The following GRID2 variants were observed in gnomAD, a reference collection of about 807,000 sequenced individuals.
GRID2 encodes glutamate ionotropic receptor delta type subunit 2.
Under a neutral mutation model 114.8 loss-of-function variants are expected in GRID2, and 33 were observed. The ratio of observed to expected loss-of-function variants is 0.29; its 90% CI spans 0.22 to 0.38. The LOEUF (loss-of-function observed/expected upper bound fraction) is 0.38, where lower values mean the gene tolerates loss of function less well. GRID2 is among the 10% of genes least tolerant of loss of function. The pLI, the probability that GRID2 is intolerant of heterozygous loss-of-function variation, is 1.00. For missense variants in GRID2, 1,184 were observed against 1,257.7 expected, an observed-to-expected ratio of 0.94 and a Z score of 0.89; for synonymous variants, 505 against 449.9, an observed-to-expected ratio of 1.12 and a Z score of -1.55.
intron 13 of GRID2, among the ~76,000 whole-genome samples, chr4:93,606,941 A>T (rs1051858096): frequency 6.6e-5 from 10 of 152,190 alleles, no homozygotes; most frequent in Non-Finnish European, 1.2e-4. Flanking sequence ...TGTATACCTA[A>T]AAATTATGAA....
intron 1 of GRID2, among the ~76,000 whole-genome samples, chr4:92,433,997 A>G (rs527670030): frequency 6.0e-4 from 92 of 152,350 alleles, no homozygotes; most frequent in African/African-American, 2.1e-3. Context: ...TCATGGATTT[A>G]ACTTTCAGTT....
intron 14 of GRID2, among the ~76,000 whole-genome samples, chr4:93,630,564 C>T (rs1007325682): frequency 6.6e-6 from 1 of 152,142 alleles, no homozygotes; most frequent in African/African-American, 2.4e-5. Flanking sequence ...TCACATTTTG[C>T]TTATTGGCTT....
intron 1 of GRID2, among the ~76,000 whole-genome samples, chr4:92,428,913 C>T (rs1175048714): frequency 6.6e-6 from 1 of 151,934 alleles, no homozygotes; most frequent in Non-Finnish European, 1.5e-5. Flanking sequence ...ATGTGCAGAA[C>T]GTGCAGGTTT....
intron 11 of GRID2, among the ~76,000 whole-genome samples, chr4:93,480,782 C>T (rs1254835259): frequency 6.6e-6 from 1 of 152,038 alleles, no homozygotes; most frequent in African/African-American, 2.4e-5. Flanking sequence ...TTCAGAGATA[C>T]TTGTGTTCTG....
At chr4:92,971,325 C>T (rs545716832) in intron 2 of GRID2, among the ~76,000 whole-genome samples, 1 of 152,016 alleles carries the variant, frequency 6.6e-6, no homozygotes, top group African/African-American at 2.4e-5. Context: ...ATATTTAGTA[C>T]AGATTTTTAT....
intron 8 of GRID2, among the ~76,000 whole-genome samples, chr4:93,328,036 G>A (rs922947558): frequency 2.5e-4 from 38 of 151,776 alleles, no homozygotes; most frequent in Non-Finnish European, 1.3e-4. Flanking sequence ...TGTCCTGGCC[G>A]GGCGCAGTGG....
chr4:92,336,279 G>T (rs962759099), intron 1 of GRID2, among the ~76,000 whole-genome samples: 3 of 152,088 alleles, frequency 2.0e-5, no homozygotes, highest in South Asian at 2.1e-4. Flanking sequence ...CTGTTTCAGT[G>T]ACAGGCAACA....
chr4:92,572,709 T>C (rs62307857), intron 1 of GRID2, among the ~76,000 whole-genome samples: 21,096 of 152,052 alleles, frequency 0.14, 2,367 homozygotes, highest in African/African-American at 0.31. Flanking sequence ...TGATGTGCTG[T>C]TGGATTCGGT....
intron 8 of GRID2, among the ~76,000 whole-genome samples, chr4:93,316,300 GAAAGAAAGAAAGAAAGAAAGAAA>G (rs1756606664): frequency 1.8e-5 from 1 of 55,720 alleles, no homozygotes. Flanking sequence ...ACGAAAGAAA[GAAAGAAAGAAAGAAAGAAAGAAA>G]GAAAGAAAGA....
In GRID2 at chr4:92,681,818, T is replaced by G. The variant is rs35406362; in HGVS notation, c.244+91532T>G. ...TGGTTTGTTGATTTAAAAATGTATA[T>G]TCAGAATGTGGAAGATGAAGGGTAT... On this transcript the variant is annotated intron_variant, in intron 2 of 15. Transcript: ENST00000282020. 9.1e-3 allele frequency among the ~76,000 whole-genome samples: 1,386 copies of G among 152,216 alleles called. 15 individuals carry two copies. Among genetic ancestry groups the G allele is most frequent in the Non-Finnish European group, 0.016 (1,110 of 68,016 alleles).
chr4:92,659,309 G>T (rs1039248320), intron 2 of GRID2, among the ~76,000 whole-genome samples: 4 of 151,510 alleles, frequency 2.6e-5, no homozygotes, highest in African/African-American at 9.7e-5. Flanking sequence ...CTTAGAGCCT[G>T]CATTTAAAGG....
chr4:93,073,047 TC>T (rs977341191), intron 2 of GRID2, among the ~76,000 whole-genome samples: 14 of 152,202 alleles, frequency 9.2e-5, no homozygotes, highest in African/African-American at 3.4e-4. Context: ...GCAGTTTGTC[TC>T]TCCAGTAAAT....
chr4:92,667,422 G>A (rs771153183), intron 2 of GRID2, among the ~76,000 whole-genome samples: 119 of 151,352 alleles, frequency 7.9e-4, no homozygotes, highest in South Asian at 3.8e-3. Flanking sequence ...AAATTTAGAC[G>A]GTTTAATCCC....
At chr4:93,147,068 T>A (rs1389015512) in intron 4 of GRID2, among the ~76,000 whole-genome samples, 2 of 152,216 alleles carry the variant, frequency 1.3e-5, no homozygotes, top group Non-Finnish European at 2.9e-5. Context: ...TTTAACATTT[T>A]ACTGTAATGA....
intron 8 of GRID2, among the ~76,000 whole-genome samples, chr4:93,346,072 T>C (rs1760206939): frequency 6.6e-6 from 1 of 152,184 alleles, no homozygotes. Flanking sequence ...CAAAATCAGG[T>C]ACTGTGATTC....
intron 8 of GRID2, among the ~76,000 whole-genome samples, chr4:93,248,086 TACACACAC>T (rs10548106): frequency 1.3e-5 from 2 of 150,816 alleles, no homozygotes; most frequent in African/African-American, 4.9e-5. Flanking sequence ...ATCTAACAGA[TACACACAC>T]ACACACACAC....
intron 2 of GRID2, among the ~76,000 whole-genome samples, chr4:92,957,918 A>C (rs1460207761): frequency 2.0e-5 from 3 of 151,844 alleles, no homozygotes; most frequent in Non-Finnish European, 4.4e-5. Context: ...TGCTAATGTA[A>C]ATAGTGTGTG....
chr4:93,014,462 C>G (rs1031097694), intron 2 of GRID2, among the ~76,000 whole-genome samples: 19 of 151,848 alleles, frequency 1.3e-4, no homozygotes, highest in African/African-American at 4.4e-4. Context: ...CATAAAGAAC[C>G]AGGGTGGTAA....
intron 2 of GRID2, among the ~76,000 whole-genome samples, chr4:92,827,678 C>T (rs1230100317): frequency 1.3e-5 from 2 of 151,872 alleles, no homozygotes; most frequent in Non-Finnish European, 2.9e-5. Context: ...GCATCTGATG[C>T]CCTTAAGAGG....
Sources: allele counts gnomAD v4.1 joint callset (sites outside exome capture counted in the v4.1 genomes callset), GRCh38; gene constraint gnomAD v4.1.1; transcripts MANE v1.5; gene names NCBI Gene and HGNC (gene_info 2026-07-23, HGNC 2026-07-21).